Variants in MIOX observed in about 807,000 individuals in gnomAD.
MIOX encodes myo-inositol oxygenase, also known as inositol oxygenase.
A neutral mutation model predicts 42.7 loss-of-function variants in MIOX; 51 were observed. The ratio of observed to expected loss-of-function variants is 1.19; its 90% confidence interval spans 0.95 to 1.51. The LOEUF (loss-of-function observed/expected upper bound fraction) is 1.51. Ranked by LOEUF, MIOX falls within the 40% of genes most tolerant of loss-of-function variation. MIOX has a pLI of 0.00. For missense variants in MIOX, 395 were observed against 381.3 expected (o/e 1.04, Z -0.30); for synonymous variants, 168 against 154.4 (o/e 1.09, Z -0.65).
At chr22:50,488,963 C>T (rs1603437742) in intron 5 of MIOX, 77 bp from the exon 6 acceptor site, 9 of 1,004,690 alleles carry the variant, frequency 9.0e-6, no homozygotes, top group Admixed American at 2.1e-5. Flanking sequence ...CCCTCCTGTC[C>T]TTCTGCAGTG....
Position 50,487,391 on chromosome 22 carries a change from G to C in MIOX, c.22G>C (p.Asp8His). 6.2e-7 allele frequency: 1 copy of C among 1,613,492 alleles called. No homozygotes were observed. Among genetic ancestry groups the C allele is most frequent in the Non-Finnish European group, 8.5e-7 (1 of 1,179,694 alleles). Reference sequence around the variant, plus strand: ...CAATCCTCCACCTACCCAGGGCCCAGACCCTTCCCTGGTCTACCGACCTGA... The same window carrying C: ...CAATCCTCCACCTACCCAGGGCCCACACCCTTCCCTGGTCTACCGACCTGA... The part of the protein sequence containing the change: MKVTVGP[D>H]PSLVYRPDVD... The change falls in exon 2 of 10, where the codon GAC (aspartate) becomes CAC (histidine). Residue 8 changes from aspartate (D) to histidine (H), a missense_variant. Transcript: ENST00000216075.
intron 5 of MIOX, 49 bp downstream of exon 5, chr22:50,488,391 G>C (rs368169119): frequency 2.0e-6 from 3 of 1,496,536 alleles, no homozygotes; most frequent in Non-Finnish European, 2.7e-6. Context: ...GAGGCAAGGT[G>C]GGGGTGGAGT....
chr22:50,490,034 G>C lies in MIOX; in HGVS notation c.*178G>C, dbSNP rs2068342165. On this transcript the variant is annotated 3_prime_UTR_variant, in exon 10 of 10. Coordinates refer to ENST00000216075, the MANE Select transcript of MIOX (RefSeq NM_017584.6). ...GCCTGGCGTCAATAAAGACCTGGAAGGATGTTGTGCTTCTGAAGCCCCACT... is the reference window on the plus strand; with the variant it reads ...GCCTGGCGTCAATAAAGACCTGGAACGATGTTGTGCTTCTGAAGCCCCACT... 1 of 615,910 alleles carries C rather than the reference G, an allele frequency of 1.6e-6. No individual in the cohort carries two copies. The highest frequency in any genetic ancestry group is 1.9e-5 in the South Asian group (1 of 52,924). The allele number at this position is 615,910 out of a possible 1,614,324, so 38.2% of individuals were successfully genotyped here. A position where few individuals can be genotyped will look rare whatever the true frequency, so the allele number is the denominator to read the frequency against.
chr22:50,488,511 A>G (rs1246797688), intron 5 of MIOX, among the ~76,000 whole-genome samples, 169 bp downstream of exon 5: 5 of 118,738 alleles, frequency 4.2e-5, no homozygotes, highest in African/African-American at 6.4e-5. Flanking sequence ...GGCCTGGGAT[A>G]CTACCTGGGG....
Position 50,487,649 on chromosome 22 carries a change from C to T in MIOX, c.97-13C>T. 1 of 1,611,004 alleles carries T rather than the reference C, an allele frequency of 6.2e-7. No individual in the cohort carries two copies. Among genetic ancestry groups the T allele is most frequent in the Non-Finnish European group, 8.5e-7 (1 of 1,178,652 alleles). On this transcript the variant is annotated splice_polypyrimidine_tract_variant and intron_variant, in intron 2 of 9. Transcript: ENST00000216075. ...CAGGGTGGGGGTGGCGCCACTGACC[C>T]TCCGGCCTGCAGTCAGGTCCCCTCC...
At chr22:50,487,270 C>A in intron 1 of MIOX, 115 bp from the exon 2 acceptor site, 2 of 879,186 alleles carry the variant, frequency 2.3e-6, no homozygotes, top group Non-Finnish European at 3.6e-6. Flanking sequence ...TCGCGTGTCA[C>A]CCACCAGCCC....
chr22:50,489,938 G>T lies in MIOX; in HGVS notation c.*82G>T. On this transcript the variant is annotated 3_prime_UTR_variant, in exon 10 of 10. Transcript: ENST00000216075. ...GAGGCCTGGCCCTGGGCAAACAGCC[G>T]CCATCAGGGTTCACCTCGGTGGGGG... The T allele has an allele frequency of 7.3e-7, 1 of 1,361,280 alleles. No homozygotes were observed. The highest frequency in any genetic ancestry group is 1.0e-6 in the Non-Finnish European group (1 of 968,284). 84.3% of individuals were successfully genotyped at this position (1,361,280 alleles called of 1,614,324 possible).
chr22:50,487,311 C>T lies in MIOX; in HGVS notation c.16-74C>T, dbSNP rs1157639300. 4.6e-6 allele frequency: 6 copies of T among 1,302,164 alleles called. No homozygotes were observed. In the East Asian group the frequency reaches 1.4e-4, roughly 30 times the overall value. 80.7% of individuals were successfully genotyped at this position (1,302,164 alleles called of 1,614,324 possible). Reference sequence around the variant, plus strand: ...CAGAGGCAGGCTTGGAGTCTGCAGCCACCCTGGGAATGTCTGTGCTTCCTC... The same window carrying T: ...CAGAGGCAGGCTTGGAGTCTGCAGCTACCCTGGGAATGTCTGTGCTTCCTC... On this transcript the variant is annotated intron_variant, in intron 1 of 9. Transcript: ENST00000216075.
rs149138591 is a variant in MIOX, at chr22:50,489,547, C to A, written c.652C>A (p.Arg218=). The A allele has an allele frequency of 1.9e-6, 3 of 1,612,734 alleles. No individual in the cohort carries two copies. The South Asian group carries it at 3.3e-5, about 18-fold the overall frequency. ...SLPPEAFYMI[R]FHSFYPWHTG... is the part of the protein sequence containing the mutation. ...TTGCCCGCAGGCTTTCTACATGATC[C>A]GGTTCCACTCCTTCTACCCCTGGCA... The change falls in exon 9 of 10, where the codon CGG becomes AGG. Residue 218 remains arginine (R), a synonymous_variant. Transcript: ENST00000216075.
Position 50,487,752 on chromosome 22 carries a change from T to G in MIOX, c.177+10T>G, listed in dbSNP as rs2232881. ...CTTCGTCAGGAGCAAGGTAGGCGTT[T>G]CCTGCCGCCCCGTGCAAACGCGGAG... On this transcript the variant is annotated intron_variant, in intron 3 of 9. Transcript: ENST00000216075. 788 of 1,613,724 alleles carry G rather than the reference T, an allele frequency of 4.9e-4. 1 individual carries two copies. In the African/African-American group the frequency reaches 8.8e-3, roughly 18 times the overall value.
In MIOX at chr22:50,489,210, C is replaced by G. The variant is rs1477218138; in HGVS notation, c.519-18C>G. 1 of 1,611,052 alleles carries G rather than the reference C, an allele frequency of 6.2e-7. No individual in the cohort carries two copies. Among genetic ancestry groups the G allele is most frequent in the South Asian group, 1.1e-5 (1 of 90,996 alleles). ...TGGGCGGCTGCTGAGCCCTCCTCAC[C>G]CTGGTATCTCACTGCAGCACAGAGC... On this transcript the variant is annotated intron_variant, in intron 6 of 9. Transcript: ENST00000216075.
intron 1 of MIOX, 142 bp from the exon 2 acceptor site, chr22:50,487,243 T>C (rs2232878): frequency 0.95 from 678,036 of 717,028 alleles, 320,792 homozygotes; most frequent in African/African-American, 0.98. Context: ...GATGATGGCG[T>C]GGGAGAGGCT....
chr22:50,488,953 C>A, intron 5 of MIOX, 87 bp from the exon 6 acceptor site: 1 of 935,724 alleles, frequency 1.1e-6, no homozygotes, highest in African/African-American at 1.7e-5. Context: ...GGCCGCCCGT[C>A]CCTCCTGTCC....
intron 7 of MIOX, 47 bp downstream of exon 7, chr22:50,489,342 G>T (rs751541435): frequency 4.1e-6 from 6 of 1,467,852 alleles, no homozygotes; most frequent in Non-Finnish European, 5.4e-6. Context: ...GGTGGGGGAC[G>T]GTGGGGGGCG....
Position 50,486,915 on chromosome 22 carries a change from G to A in MIOX, c.15+3G>A. On this transcript the variant is annotated splice_donor_region_variant and intron_variant, in intron 1 of 9. Transcript: ENST00000216075. Reference sequence around the variant, plus strand: ...CTCTCAGGATGAAGGTGACGGTGGTGAGTACCCAGACCCCATGCAGAGAGG... The same window carrying A: ...CTCTCAGGATGAAGGTGACGGTGGTAAGTACCCAGACCCCATGCAGAGAGG... 3 of 1,613,820 alleles carry A rather than the reference G, an allele frequency of 1.9e-6. No individual in the cohort carries two copies. Among genetic ancestry groups the A allele is most frequent in the Non-Finnish European group, 2.5e-6 (3 of 1,179,970 alleles).
At position 50,488,346 on chromosome 22, in the gene MIOX, A is replaced by G. The variant is rs370614865; in HGVS notation, c.408+4A>G. 4.7e-5 allele frequency: 75 copies of G among 1,592,578 alleles called. No individual in the cohort carries two copies. The highest frequency in any genetic ancestry group is 6.3e-5 in the Non-Finnish European group (74 of 1,168,462). Reference sequence around the variant, plus strand: ...GGCCCTGTTCGGGGAGCCCCAGGTAAGAGTTGGAAGTGGAGGGTGAGGAGG... The same window carrying G: ...GGCCCTGTTCGGGGAGCCCCAGGTAGGAGTTGGAAGTGGAGGGTGAGGAGG... On this transcript the variant is annotated splice_donor_region_variant and intron_variant, in intron 5 of 9. Transcript: ENST00000216075.
At chr22:50,487,125 G>T (rs531456173) in intron 1 of MIOX, among the ~76,000 whole-genome samples, 1 of 152,220 alleles carries the variant, frequency 6.6e-6, no homozygotes, top group Non-Finnish European at 1.5e-5. Flanking sequence ...CCGCTCAGGC[G>T]TGGTGTCCCC....
Position 50,490,232 on chromosome 22 carries a change from C to T in MIOX, c.*376C>T. 1 of 287,712 alleles carries T rather than the reference C, an allele frequency of 3.5e-6. No homozygotes were observed. 17.8% of individuals were successfully genotyped at this position (287,712 alleles called of 1,614,324 possible). A position where few individuals can be genotyped will look rare whatever the true frequency, so the allele number is the denominator to read the frequency against. ...GGGGACGAGTCACCCAGCTCACCCCCACATGCTCAAAACAGTCACCAAGTC... is the reference window on the plus strand; with the variant it reads ...GGGGACGAGTCACCCAGCTCACCCCTACATGCTCAAAACAGTCACCAAGTC... On this transcript the variant is annotated 3_prime_UTR_variant, in exon 10 of 10. Transcript: ENST00000216075.
intron 5 of MIOX, 72 bp from the exon 6 acceptor site, chr22:50,488,968 G>A (rs2148636655): frequency 9.9e-7 from 1 of 1,007,534 alleles, no homozygotes; most frequent in Non-Finnish European, 1.5e-6. Context: ...CTGTCCTTCT[G>A]CAGTGGGTGG....
Sources: gnomAD v4.1 joint callset for allele counts (sites outside exome capture counted in the v4.1 genomes callset) on GRCh38, gnomAD v4.1.1 for gene constraint, MANE v1.5 for transcripts, NCBI Gene and HGNC (gene_info 2026-07-23, HGNC 2026-07-21) for gene names.